The following ST3GAL3 variants were observed in gnomAD, a reference collection of about 807,000 sequenced individuals.
ST3GAL3 encodes the protein ST3 beta-galactoside alpha-2,3-sialyltransferase 3.
ST3GAL3 carries 21 observed loss-of-function variants against 50.1 expected under a neutral mutation model. The observed-to-expected ratio is 0.42, with a 90% CI of 0.30 to 0.60. The LOEUF (loss-of-function observed/expected upper bound fraction) is 0.60, where lower values mean the gene tolerates loss of function less well. Among genes scored for constraint, ST3GAL3 ranks in the 20% least tolerant of loss-of-function variants. The pLI is 0.19. For missense variants in ST3GAL3, 353 were observed against 489.4 expected, an observed-to-expected ratio of 0.72 and a Z score of 2.63; for synonymous variants, 183 against 190.0, an observed-to-expected ratio of 0.96 and a Z score of 0.30.
chr1:43,805,976 C>T (rs1486328118), intron 3 of ST3GAL3, among the ~76,000 whole-genome samples: 3 of 152,096 alleles, frequency 2.0e-5, no homozygotes, highest in Admixed American at 6.5e-5. Context: ...CCTTGTGATC[C>T]GCCCACCTTG....
At chr1:43,915,503 CA>C (rs1165210974) in intron 9 of ST3GAL3, among the ~76,000 whole-genome samples, 4 of 152,136 alleles carry the variant, frequency 2.6e-5, no homozygotes, top group Non-Finnish European at 5.9e-5. Context: ...ATCCTAGGAC[CA>C]AGGATCTGAA....
intron 2 of ST3GAL3, among the ~76,000 whole-genome samples, chr1:43,756,116 A>AAAAAAAAAAAAAAAAAAAAAAAAAAAAG (rs763780680): frequency 2.2e-5 from 3 of 136,804 alleles, no homozygotes; most frequent in Non-Finnish European, 3.1e-5. Context: ...AAAAAAAAAA[A>AAAAAAAAAAAAAAAAAAAAAAAAAAAAG]AAGAAGAAGA....
chr1:43,873,035 G>A (rs2073328245), intron 5 of ST3GAL3, among the ~76,000 whole-genome samples: 1 of 152,188 alleles, frequency 6.6e-6, no homozygotes. Flanking sequence ...GTAAGAAAGA[G>A]AAATCTGAAT....
At chr1:43,924,531 A>G (rs1460402103) in intron 11 of ST3GAL3, among the ~76,000 whole-genome samples, 1 of 152,202 alleles carries the variant, frequency 6.6e-6, no homozygotes, top group Non-Finnish European at 1.5e-5. Context: ...GTGGGGAGAC[A>G]TGGGTGAGTT....
At chr1:43,782,895 C>G (rs933637343) in intron 2 of ST3GAL3, among the ~76,000 whole-genome samples, 7 of 152,184 alleles carry the variant, frequency 4.6e-5, no homozygotes, top group Admixed American at 2.6e-4. Flanking sequence ...TTTATAGTCC[C>G]TTTTAGCATA....
At chr1:43,904,664 TCTC>T (rs1374206938) in intron 9 of ST3GAL3, among the ~76,000 whole-genome samples, 1 of 150,852 alleles carries the variant, frequency 6.6e-6, no homozygotes, top group Non-Finnish European at 1.5e-5. Context: ...ACCATGTCAT[TCTC>T]CTCCTCCTGC....
intron 1 of ST3GAL3, among the ~76,000 whole-genome samples, chr1:43,709,707 C>T (rs1483386270): frequency 2.6e-5 from 4 of 151,972 alleles, no homozygotes; most frequent in Admixed American, 6.6e-5. Flanking sequence ...ATTAGCCAGG[C>T]GTGGTGGCAG....
intron 1 of ST3GAL3, among the ~76,000 whole-genome samples, chr1:43,729,682 T>C (rs4660260): frequency 0.68 from 102,940 of 152,068 alleles, 35,217 homozygotes; most frequent in East Asian, 0.72. Context: ...GACCTCATTT[T>C]GTTTATGGAT....
chr1:43,921,023 G>C (rs1361297372), intron 11 of ST3GAL3, 95 bp downstream of exon 11: 1 of 1,435,804 alleles, frequency 7.0e-7, no homozygotes. Context: ...TGGTCTGGCT[G>C]CCCAGAACTC....
intron 1 of ST3GAL3, among the ~76,000 whole-genome samples, chr1:43,708,674 A>C (rs1351014778): frequency 6.6e-6 from 1 of 152,246 alleles, no homozygotes; most frequent in Non-Finnish European, 1.5e-5. Flanking sequence ...ATAATCTCTT[A>C]AGGCAATACA....
At chr1:43,751,855 C>T (rs938906185) in intron 2 of ST3GAL3, among the ~76,000 whole-genome samples, 3 of 151,896 alleles carry the variant, frequency 2.0e-5, no homozygotes, top group South Asian at 2.1e-4. Context: ...CGGAGGTTCT[C>T]GTCACCCAGG....
At chr1:43,765,764 T>C (rs1411919445) in intron 2 of ST3GAL3, among the ~76,000 whole-genome samples, 3 of 140,922 alleles carry the variant, frequency 2.1e-5, no homozygotes, top group Admixed American at 6.8e-5. Context: ...TGTGTGTGTG[T>C]GTGTGTGTGT....
rs1684147437 is a variant in ST3GAL3, at chr1:43,747,278, G to A, written c.118+10898G>A. 2.0e-5 allele frequency among the ~76,000 whole-genome samples: 3 copies of A among 151,980 alleles called. No homozygotes were observed. In the South Asian group the frequency reaches 6.2e-4, roughly 32 times the overall value. ...CAAAAATTAGCCTGCCGGACATGGTGGCACGTGCCTGTAATCCCAGCTACT... is the reference window on the plus strand; with the variant it reads ...CAAAAATTAGCCTGCCGGACATGGTAGCACGTGCCTGTAATCCCAGCTACT... On this transcript the variant is annotated intron_variant, in intron 2 of 11. Coordinates refer to ENST00000347631, the MANE Select transcript of ST3GAL3 (RefSeq NM_006279.5).
chr1:43,777,309 C>T (rs1244904911), intron 2 of ST3GAL3, among the ~76,000 whole-genome samples: 2 of 152,098 alleles, frequency 1.3e-5, no homozygotes, highest in African/African-American at 4.8e-5. Context: ...TTTTTGAGCT[C>T]ATATAGCCAA....
At chr1:43,876,494 C>T (rs1420873964) in intron 5 of ST3GAL3, among the ~76,000 whole-genome samples, 1 of 152,150 alleles carries the variant, frequency 6.6e-6, no homozygotes, top group Non-Finnish European at 1.5e-5. Flanking sequence ...AAGATTCAGT[C>T]CATAGAGGCC....
At chr1:43,857,858 C>A (rs2068899160) in intron 5 of ST3GAL3, among the ~76,000 whole-genome samples, 1 of 152,106 alleles carries the variant, frequency 6.6e-6, no homozygotes, top group African/African-American at 2.4e-5. Context: ...TCAGGTGATC[C>A]ACCTGCCTCA....
At chr1:43,808,642 G>A (rs2060185170) in intron 3 of ST3GAL3, among the ~76,000 whole-genome samples, 1 of 152,186 alleles carries the variant, frequency 6.6e-6, no homozygotes, top group Admixed American at 6.5e-5. Flanking sequence ...AGAGTCCGAA[G>A]CTGAGGTAAC....
intron 5 of ST3GAL3, among the ~76,000 whole-genome samples, chr1:43,866,409 T>G (rs1358695092): frequency 6.6e-6 from 1 of 152,048 alleles, no homozygotes; most frequent in Non-Finnish European, 1.5e-5. Flanking sequence ...AAACCCCATC[T>G]CTGCTAAAAA....
intron 2 of ST3GAL3, among the ~76,000 whole-genome samples, chr1:43,756,690 T>C (rs1688255147): frequency 6.6e-6 from 1 of 152,144 alleles, no homozygotes; most frequent in Non-Finnish European, 1.5e-5. Context: ...TCACTTGATA[T>C]GGTTGGATAA....
Sources: gnomAD v4.1 joint callset for allele counts (sites outside exome capture counted in the v4.1 genomes callset) on GRCh38, gnomAD v4.1.1 for gene constraint, MANE v1.5 for transcripts, NCBI Gene and HGNC (gene_info 2026-07-23, HGNC 2026-07-21) for gene names.